Variants in PCDHGB6 observed in about 807,000 individuals in gnomAD.
PCDHGB6 encodes the protein protocadherin gamma subfamily B, 6.
Under a neutral mutation model 59.1 loss-of-function variants are expected in PCDHGB6, and 51 were observed. The ratio of observed to expected loss-of-function variants is 0.86; its 90% CI spans 0.69 to 1.09. The LOEUF is 1.09. Among genes scored for constraint, PCDHGB6 ranks in the 50% least tolerant of loss-of-function variants. The pLI is 0.00. For synonymous variants in PCDHGB6, 466 were observed against 495.1 expected, an observed-to-expected ratio of 0.94 and a Z score of 0.78; for missense variants, 1,148 against 1,205.1, an observed-to-expected ratio of 0.95 and a Z score of 0.70.
chr5:141,456,872 A>C (rs1003618586), intron 1 of PCDHGB6, among the ~76,000 whole-genome samples: 2 of 152,152 alleles, frequency 1.3e-5, no homozygotes, highest in African/African-American at 4.8e-5. Context: ...CTGAGGCAGG[A>C]GAATCGCTTG....
chr5:141,504,161 T>C (rs931754061), intron 2 of PCDHGB6, among the ~76,000 whole-genome samples: 1 of 152,196 alleles, frequency 6.6e-6, no homozygotes, highest in Non-Finnish European at 1.5e-5. Context: ...AATAATTTCA[T>C]CCTTGGAAAT....
At chr5:141,419,552 C>T in intron 1 of PCDHGB6, 1 of 1,612,014 alleles carries the variant, frequency 6.2e-7, no homozygotes, top group Non-Finnish European at 8.5e-7. Flanking sequence ...GGTGCTGTAC[C>T]CTGCGCTGGG....
intron 1 of PCDHGB6, chr5:141,428,210 A>T: frequency 7.7e-7 from 1 of 1,293,350 alleles, no homozygotes; most frequent in Non-Finnish European, 1.1e-6. Flanking sequence ...GCTACGCTTC[A>T]CCTAGTCTTC....
intron 1 of PCDHGB6, chr5:141,423,601 C>A (rs372165060): frequency 1.9e-6 from 3 of 1,612,704 alleles, no homozygotes; most frequent in Non-Finnish European, 2.5e-6. Flanking sequence ...AAGCGAGCCA[C>A]TCTTGATAGC....
At position 141,410,537 on chromosome 5, in the gene PCDHGB6, A is replaced by G. The variant is rs772317770; in HGVS notation, c.2335A>G (p.Met779Val). The change falls in exon 1 of 4, where the codon ATG becomes GTG. Residue 779 changes from methionine to valine, a missense_variant. Physicochemically the swap from Met to Val is conservative, Grantham distance 21. Coordinates refer to ENST00000520790, the MANE Select transcript of PCDHGB6 (RefSeq NM_018926.3). ...TGTGCCCCTACATTCCAATGAAGAC[A>G]TGGTTTGCAGTGTTTCTCCTGGAGC... The part of the protein sequence containing the change: ...CSVPLHSNED[M>V]VCSVSPGALI... 17 of 1,613,760 alleles carry G rather than the reference A, an allele frequency of 1.1e-5. No individual in the cohort carries two copies. The highest frequency in any genetic ancestry group is 1.3e-5 in the African/African-American group (1 of 74,918).
chr5:141,413,863 G>T, intron 1 of PCDHGB6: 1 of 1,613,356 alleles, frequency 6.2e-7, no homozygotes, highest in Non-Finnish European at 8.5e-7. Flanking sequence ...ATCTGGCACT[G>T]TCCTTGTCAG....
chr5:141,477,551 C>A lies in PCDHGB6; in HGVS notation c.2419-17256C>A. The A allele has an allele frequency of 6.2e-7, 1 of 1,614,178 alleles. No homozygotes were observed. The highest frequency in any genetic ancestry group is 1.3e-5 in the African/African-American group (1 of 75,032). ...CCTCCCCGGGGCTCCAATACTAAAC[C>A]TAAGTGTCTGGGACCCCGACGCCCC... is the stretch of plus-strand genomic sequence containing the variant. On this transcript the variant is annotated intron_variant, in intron 1 of 3. Transcript: ENST00000520790. The surrounding 1 kb of genome is among the most constrained non-coding windows in gnomAD (Gnocchi z 4.9).
intron 2 of PCDHGB6, among the ~76,000 whole-genome samples, chr5:141,497,540 C>A (rs866982821): frequency 7.4e-6 from 1 of 134,944 alleles, no homozygotes; most frequent in African/African-American, 2.8e-5. Context: ...TGCAACAAAC[C>A]TTTTTTTTTT....
chr5:141,491,612 G>A lies in PCDHGB6; in HGVS notation c.2419-3195G>A, dbSNP rs759955730. ...GACGGCAGTGACTTCACTTTTCTAAGACCCCTCAGCGTTCAGCAGCCCACA... is the reference window on the plus strand; with the variant it reads ...GACGGCAGTGACTTCACTTTTCTAAAACCCCTCAGCGTTCAGCAGCCCACA... On this transcript the variant is annotated intron_variant, in intron 1 of 3. Coordinates refer to ENST00000520790, the MANE Select transcript of PCDHGB6 (RefSeq NM_018926.3). The surrounding 1 kb of genome is among the most constrained non-coding windows in gnomAD (Gnocchi z 6.9). 6.2e-7 allele frequency: 1 copy of A among 1,613,906 alleles called. No individual in the cohort carries two copies. The highest frequency in any genetic ancestry group is 8.5e-7 in the Non-Finnish European group (1 of 1,180,026).
intron 1 of PCDHGB6, chr5:141,422,396 A>G (rs767394630): frequency 6.3e-6 from 10 of 1,597,278 alleles, no homozygotes; most frequent in Non-Finnish European, 8.5e-6. Flanking sequence ...ATTCCTAACC[A>G]CCTGCCTTTT....
Position 141,432,267 on chromosome 5 carries a change from C to T in PCDHGB6, c.2418+21647C>T, listed in dbSNP as rs746089276. 4.3e-6 allele frequency: 7 copies of T among 1,614,244 alleles called. No homozygotes were observed. On this transcript the variant is annotated intron_variant, in intron 1 of 3. Transcript: ENST00000520790. The surrounding 1 kb of genome is among the most constrained non-coding windows in gnomAD (Gnocchi z 6.0). ...ACCATCCAAGGGGCAAGCCTATCGT[C>T]CTACGTGTCCATCAACTCCGACACT...
intron 1 of PCDHGB6, chr5:141,415,756 T>G (rs756759295): frequency 1.5e-4 from 214 of 1,386,812 alleles, no homozygotes; most frequent in African/African-American, 5.9e-4. Flanking sequence ...TTTTTTTTTT[T>G]TTTTTTTTTT....
At chr5:141,445,781 G>A (rs1424622281) in intron 1 of PCDHGB6, among the ~76,000 whole-genome samples, 25 of 152,112 alleles carry the variant, frequency 1.6e-4, no homozygotes, top group Admixed American at 1.6e-3. Flanking sequence ...AAAGGGCTAG[G>A]GAGGCTAGAA....
Position 141,487,413 on chromosome 5 carries a change from A to G in PCDHGB6, c.2419-7394A>G, listed in dbSNP as rs1562119204. The G allele has an allele frequency of 1.2e-6, 2 of 1,614,172 alleles. No homozygotes were observed. The highest frequency in any genetic ancestry group is 2.2e-5 in the East Asian group (1 of 44,862). ...AGGAGGGAGGGGCTTCCCCCTTCCA[A>G]TGGGATCCTCCGAATCCAGCTAGGG... On this transcript the variant is annotated intron_variant, in intron 1 of 3. Coordinates refer to ENST00000520790, the MANE Select transcript of PCDHGB6 (RefSeq NM_018926.3). This position sits in a 1 kb window ranked among gnomAD's most constrained non-coding sequence, Gnocchi z 5.0.
In PCDHGB6 at chr5:141,432,129, A is replaced by T. The variant is rs758099753; in HGVS notation, c.2418+21509A>T. The T allele has an allele frequency of 6.2e-6, 10 of 1,614,054 alleles. No individual in the cohort carries two copies. In the South Asian group the frequency reaches 8.8e-5, roughly 14 times the overall value. On this transcript the variant is annotated intron_variant, in intron 1 of 3. Transcript: ENST00000520790. This position sits in a 1 kb window ranked among gnomAD's most constrained non-coding sequence, Gnocchi z 6.0. ...CCGCCGGTCTTCCCTCAGGCCTCCTATTCCGCTTATATCCCAGAGAACAAT... is the reference window on the plus strand; with the variant it reads ...CCGCCGGTCTTCCCTCAGGCCTCCTTTTCCGCTTATATCCCAGAGAACAAT...
intron 1 of PCDHGB6, among the ~76,000 whole-genome samples, chr5:141,470,290 C>T (rs1226383020): frequency 1.3e-5 from 2 of 152,148 alleles, no homozygotes; most frequent in Non-Finnish European, 2.9e-5. Context: ...TATTGGTTAA[C>T]TGTTTTTATT....
Position 141,486,146 on chromosome 5 carries a change from G to A in PCDHGB6, c.2419-8661G>A, listed in dbSNP as rs533158692. The A allele has an allele frequency of 3.1e-6, 5 of 1,614,184 alleles. No homozygotes were observed. The highest frequency in any genetic ancestry group is 2.2e-5 in the East Asian group (1 of 44,876). The stretch of plus-strand genomic sequence containing the variant: ...TGAATTTGATGTGCGGGCTCGCGAT[G>A]GGGGTTCTCCAGCCATGGAGCAACA... On this transcript the variant is annotated intron_variant, in intron 1 of 3. Transcript: ENST00000520790. The surrounding 1 kb of genome is among the most constrained non-coding windows in gnomAD (Gnocchi z 5.0).
chr5:141,453,099 C>CT (rs568622146), intron 1 of PCDHGB6, among the ~76,000 whole-genome samples: 1 of 151,962 alleles, frequency 6.6e-6, no homozygotes, highest in East Asian at 1.9e-4. Flanking sequence ...TTTTCTGTTG[C>CT]TTTTTTGTTT....
intron 1 of PCDHGB6, chr5:141,427,752 G>A (rs1171502843): frequency 4.5e-6 from 6 of 1,319,552 alleles, no homozygotes; most frequent in South Asian, 1.2e-5. Context: ...CTACTCCATC[G>A]TTACCACTGA....
Sources: allele counts gnomAD v4.1 joint callset (sites outside exome capture counted in the v4.1 genomes callset), GRCh38; gene constraint gnomAD v4.1.1; non-coding constraint Gnocchi (gnomAD v3.1); transcripts MANE v1.5; gene names NCBI Gene and HGNC (gene_info 2026-07-23, HGNC 2026-07-21).